Variants in DNAJC3 observed in about 807,000 individuals in gnomAD.
DNAJC3 encodes DnaJ heat shock protein family (Hsp40) member C3, also known as dnaJ homolog subfamily C member 3.
Under a neutral mutation model 68.6 loss-of-function variants are expected in DNAJC3, and 38 were observed. The observed-to-expected ratio is 0.55, with a 90% confidence interval of 0.43 to 0.73. The LOEUF is 0.73. DNAJC3 is among the 30% of genes least tolerant of loss of function. The pLI is 0.00. For missense variants in DNAJC3, 526 were observed against 591.9 expected (o/e 0.89, Z 1.16); for synonymous variants, 203 against 204.0 (o/e 1.00, Z 0.04).
At chr13:95,690,297 TG>T (rs1377997405) in intron 1 of DNAJC3, among the ~76,000 whole-genome samples, 2 of 151,938 alleles carry the variant, frequency 1.3e-5, no homozygotes, top group Non-Finnish European at 2.9e-5. Context: ...AGCACAGGGT[TG>T]GGGGTAAGGT....
At chr13:95,776,002 T>C (rs536610868) in intron 9 of DNAJC3, among the ~76,000 whole-genome samples, 1 of 151,916 alleles carries the variant, frequency 6.6e-6, no homozygotes, top group East Asian at 1.9e-4. Flanking sequence ...TATATATATA[T>C]ACTTTTTTTT....
chr13:95,791,395 G>A lies in DNAJC3; in HGVS notation c.*365G>A, dbSNP rs774067713. The A allele has an allele frequency of 5.7e-5, 14 of 244,094 alleles. 1 individual carries two copies. Among genetic ancestry groups the A allele is most frequent in the Admixed American group, 5.2e-5 (1 of 19,190 alleles). The allele number at this position is 244,094 out of a possible 1,614,324, so 15.1% of individuals were successfully genotyped here. A position where few individuals can be genotyped will look rare whatever the true frequency, so the allele number is the denominator to read the frequency against. On this transcript the variant is annotated 3_prime_UTR_variant, in exon 12 of 12. Transcript: ENST00000602402. ...TTGCAGAGTAAGTCAGTGCCTACAA[G>A]TGTAAGAAGGAGCTGTAATCTTCAT...
chr13:95,698,139 A>C (rs554903992), intron 1 of DNAJC3, among the ~76,000 whole-genome samples: 1 of 151,894 alleles, frequency 6.6e-6, no homozygotes, highest in African/African-American at 2.4e-5. Flanking sequence ...TTGTGCCTAT[A>C]GAGTATGCTC....
At chr13:95,730,464 G>C (rs939599112) in intron 4 of DNAJC3, among the ~76,000 whole-genome samples, 1 of 152,056 alleles carries the variant, frequency 6.6e-6, no homozygotes, top group Non-Finnish European at 1.5e-5. Context: ...AGTCTTTAAG[G>C]CGTTTGTGTT....
chr13:95,772,995 A>G (rs1455307025), intron 9 of DNAJC3, among the ~76,000 whole-genome samples: 2 of 151,974 alleles, frequency 1.3e-5, no homozygotes, highest in Non-Finnish European at 2.9e-5. Flanking sequence ...AAACAGTTCA[A>G]AATTGTCCCT....
chr13:95,767,510 C>T (rs749597426), intron 9 of DNAJC3, among the ~76,000 whole-genome samples: 8 of 152,176 alleles, frequency 5.3e-5, no homozygotes, highest in Admixed American at 1.3e-4. Context: ...TCTGAGATCC[C>T]GCTTTCAATT....
At chr13:95,730,382 A>G (rs1174359543) in intron 4 of DNAJC3, among the ~76,000 whole-genome samples, 1 of 152,158 alleles carries the variant, frequency 6.6e-6, no homozygotes, top group Non-Finnish European at 1.5e-5. Context: ...AAAACTTTGC[A>G]TAGACCAATG....
At chr13:95,746,273 G>A (rs1160771728) in intron 4 of DNAJC3, among the ~76,000 whole-genome samples, 1 of 152,148 alleles carries the variant, frequency 6.6e-6, no homozygotes, top group Admixed American at 6.6e-5. Context: ...ATACATATTT[G>A]CTTGAATGTG....
intron 9 of DNAJC3, among the ~76,000 whole-genome samples, chr13:95,764,671 T>C (rs1322914134): frequency 2.4e-5 from 3 of 122,574 alleles, no homozygotes; most frequent in African/African-American, 1.1e-4. Context: ...TATATATATA[T>C]ATATATATAT....
At position 95,772,470 on chromosome 13, in the gene DNAJC3, A is replaced by G. The variant is rs141940071; in HGVS notation, c.1075+8517A>G. The stretch of plus-strand genomic sequence containing the variant: ...TGCCAGACTCTTTCTAAGGTAATAT[A>G]TAATTTATACAGCTACAATAAAGTA... On this transcript the variant is annotated intron_variant, in intron 9 of 11. Coordinates refer to ENST00000602402, the MANE Select transcript of DNAJC3 (RefSeq NM_006260.5). 5.7e-3 allele frequency among the ~76,000 whole-genome samples: 875 copies of G among 152,348 alleles called. 10 individuals carry two copies. Among genetic ancestry groups the G allele is most frequent in the Admixed American group, 9.4e-3 (144 of 15,298 alleles).
intron 9 of DNAJC3, among the ~76,000 whole-genome samples, chr13:95,779,013 A>C (rs1237784294): frequency 6.6e-6 from 1 of 151,782 alleles, no homozygotes; most frequent in African/African-American, 2.4e-5. Context: ...GCCTGTATAA[A>C]TATTACCCCT....
In DNAJC3 at chr13:95,790,916, A is replaced by C. The variant is rs567137008; in HGVS notation, c.1401A>C (p.Ala467=). ...ACGACGGAGAAGATCCTTTGGATGC[A>C]GAGAGCCAGCAAGGAGGCGGCGGCA... ...KFDDGEDPLD[A]ESQQGGGGNP... Residue 467 remains alanine (A), a synonymous_variant, in exon 12 of 12, where the codon GCA becomes GCC. Transcript: ENST00000602402. 1.6e-5 allele frequency: 25 copies of C among 1,606,974 alleles called. No individual in the cohort carries two copies. Among genetic ancestry groups the C allele is most frequent in the Non-Finnish European group, 2.0e-5 (24 of 1,178,508 alleles).
intron 4 of DNAJC3, among the ~76,000 whole-genome samples, chr13:95,750,201 C>T (rs1882430211): frequency 6.6e-6 from 1 of 151,198 alleles, no homozygotes. Flanking sequence ...CTACCCCTCT[C>T]CCATCAATCT....
chr13:95,720,861 A>AT lies in DNAJC3; in HGVS notation c.194-2371dup, dbSNP rs544509323. 6.9e-3 allele frequency among the ~76,000 whole-genome samples: 1,038 copies of AT among 149,676 alleles called. 6 individuals carry two copies. The highest frequency in any genetic ancestry group is 0.01 in the Non-Finnish European group (689 of 67,212). ...ACCTAATTCCTTTTTTAAAAAATAC[A>AT]TTTTTTTTTTCTGACTGGTTCATGT... On this transcript the variant is annotated intron_variant, in intron 2 of 11. Transcript: ENST00000602402.
At chr13:95,725,392 T>C (rs890548769) in intron 4 of DNAJC3, 140 bp downstream of exon 4, 55 of 506,770 alleles carry the variant, frequency 1.1e-4, no homozygotes, top group Middle Eastern at 5.7e-4. Context: ...ATAGCCAGAT[T>C]TATATATTTA....
chr13:95,723,584 G>A (rs1289531421), intron 3 of DNAJC3, among the ~76,000 whole-genome samples: 1 of 151,980 alleles, frequency 6.6e-6, no homozygotes, highest in South Asian at 2.1e-4. Flanking sequence ...TTTTTCAGAA[G>A]TCTGGCAGTG....
chr13:95,739,576 A>G (rs950190196), intron 4 of DNAJC3, among the ~76,000 whole-genome samples: 1 of 151,750 alleles, frequency 6.6e-6, no homozygotes, highest in African/African-American at 2.4e-5. Flanking sequence ...CATTCATTTC[A>G]TCTTCCATCG....
chr13:95,723,709 C>T (rs1881419036), intron 3 of DNAJC3, among the ~76,000 whole-genome samples: 3 of 152,192 alleles, frequency 2.0e-5, no homozygotes, highest in Admixed American at 6.5e-5. Context: ...TATCAGGTGA[C>T]TGGCAGCAGT....
At chr13:95,749,726 T>C (rs1381419087) in intron 4 of DNAJC3, among the ~76,000 whole-genome samples, 2 of 151,732 alleles carry the variant, frequency 1.3e-5, no homozygotes, top group African/African-American at 4.8e-5. Context: ...AACAGCTATC[T>C]GAGTCACAGC....
Sources: gnomAD v4.1 joint callset for allele counts (sites outside exome capture counted in the v4.1 genomes callset) on GRCh38, gnomAD v4.1.1 for gene constraint, MANE v1.5 for transcripts, NCBI Gene and HGNC (gene_info 2026-07-23, HGNC 2026-07-21) for gene names.